SETD3: variants seen among roughly 807,000 people sequenced by gnomAD.
SETD3 encodes the protein actin-histidine N-methyltransferase.
SETD3 carries 19 observed loss-of-function variants against 63.0 expected under a neutral mutation model. The observed-to-expected ratio is 0.30, with a 90% CI of 0.21 to 0.44. SETD3 has a LOEUF of 0.44. SETD3 is among the 20% of genes least tolerant of loss of function. SETD3 has a pLI of 1.00. For synonymous variants in SETD3, 286 were observed against 264.1 expected (o/e 1.08, Z -0.80); for missense variants, 587 against 728.5 (o/e 0.81, Z 2.24).
At chr14:99,416,226 T>TAACAAAC (rs1388138830) in intron 6 of SETD3, among the ~76,000 whole-genome samples, 1 of 152,110 alleles carries the variant, frequency 6.6e-6, no homozygotes, top group Non-Finnish European at 1.5e-5. Flanking sequence ...CTCAATGTAT[T>TAACAAAC]AAAAACAAAC....
At chr14:99,455,975 C>T (rs559571967) in intron 6 of SETD3, among the ~76,000 whole-genome samples, 5 of 152,164 alleles carry the variant, frequency 3.3e-5, no homozygotes, top group Middle Eastern at 3.2e-3. Flanking sequence ...GCCAACGTGG[C>T]GAAACTCCAT....
At chr14:99,419,033 T>C (rs1892433327) in intron 6 of SETD3, among the ~76,000 whole-genome samples, 1 of 152,192 alleles carries the variant, frequency 6.6e-6, no homozygotes, top group African/African-American at 2.4e-5. Context: ...AAAGTATCTC[T>C]TGAATTGAAA....
rs1164177861 is a variant in SETD3 at position 99,398,011 on chromosome 14, T to C, written c.*668A>G. The C allele has an allele frequency of 6.6e-6, 1 of 152,588 alleles. No homozygotes were observed. The highest frequency in any genetic ancestry group is 1.9e-4 in the East Asian group (1 of 5,202). The allele number at this position is 152,588 out of a possible 1,614,324, so 9.5% of individuals were successfully genotyped here. ...TCAAGGAGAAAGGACAAGTTCTTAGTACAGTAAAACAAAACACAAAAGTAA... is the reference window on the plus strand; with the variant it reads ...TCAAGGAGAAAGGACAAGTTCTTAGCACAGTAAAACAAAACACAAAAGTAA... On this transcript the variant is annotated 3_prime_UTR_variant, in exon 13 of 13. Transcript: ENST00000331768.
At chr14:99,432,975 T>C (rs892446589) in intron 6 of SETD3, among the ~76,000 whole-genome samples, 1 of 152,178 alleles carries the variant, frequency 6.6e-6, no homozygotes, top group Non-Finnish European at 1.5e-5. Flanking sequence ...AAATTAGACT[T>C]TGTTAAAATT....
At chr14:99,404,108 T>C (rs1891547984) in intron 11 of SETD3, 117 bp downstream of exon 11, 1 of 717,464 alleles carries the variant, frequency 1.4e-6, no homozygotes, top group East Asian at 2.8e-5. Flanking sequence ...ATCTTCTCTC[T>C]TCCCAAAAGT....
rs148235548 is a variant in SETD3, at chr14:99,477,879, ATTAG to A, written c.-9+2845_-9+2848del. On this transcript the variant is annotated intron_variant, in intron 1 of 12. Coordinates refer to ENST00000331768, the MANE Select transcript of SETD3 (RefSeq NM_032233.3). The stretch of plus-strand genomic sequence containing the variant: ...TAAATTAATTCTATTTGCATATCAA[ATTAG>A]TTAACCTCTCCAATTTATGAATAGA... 7.7e-3 allele frequency among the ~76,000 whole-genome samples: 1,169 copies of A among 152,102 alleles called. 8 individuals carry two copies. The highest frequency in any genetic ancestry group is 0.024 in the African/African-American group (1,005 of 41,506).
intron 6 of SETD3, among the ~76,000 whole-genome samples, chr14:99,449,162 T>G (rs879737870): frequency 1.3e-5 from 2 of 152,164 alleles, no homozygotes; most frequent in Non-Finnish European, 1.5e-5. Context: ...AAAATCCCAA[T>G]GAATGCATGT....
intron 6 of SETD3, among the ~76,000 whole-genome samples, chr14:99,431,032 G>A (rs1489722988): frequency 6.6e-6 from 1 of 152,110 alleles, no homozygotes; most frequent in Non-Finnish European, 1.5e-5. Flanking sequence ...CCACACAGTG[G>A]CCATCACTCC....
chr14:99,457,819 C>G (rs1162151419), intron 6 of SETD3, among the ~76,000 whole-genome samples: 1 of 152,178 alleles, frequency 6.6e-6, no homozygotes, highest in East Asian at 1.9e-4. Context: ...TCACTGAGAA[C>G]AAATTAAAAT....
chr14:99,479,007 G>A (rs1424664304), intron 1 of SETD3, among the ~76,000 whole-genome samples: 1 of 152,196 alleles, frequency 6.6e-6, no homozygotes, highest in Non-Finnish European at 1.5e-5. Flanking sequence ...GACAGTCACT[G>A]TGCTCTTACG....
chr14:99,424,315 G>A (rs1892759391), intron 6 of SETD3, among the ~76,000 whole-genome samples: 1 of 152,180 alleles, frequency 6.6e-6, no homozygotes, highest in African/African-American at 2.4e-5. Context: ...GGTCAGAAAA[G>A]CCTGGAGATT....
At chr14:99,427,828 T>C (rs1211626513) in intron 6 of SETD3, among the ~76,000 whole-genome samples, 2 of 152,120 alleles carry the variant, frequency 1.3e-5, no homozygotes, top group Non-Finnish European at 2.9e-5. Flanking sequence ...ACATGACACG[T>C]GCTGGAATTC....
rs1398604529 is a variant in SETD3 at position 99,413,030 on chromosome 14, T to G, written c.770A>C (p.Gln257Pro). The G allele has an allele frequency of 6.2e-7, 1 of 1,614,026 alleles. No homozygotes were observed. Among genetic ancestry groups the G allele is most frequent in the Admixed American group, 1.7e-5 (1 of 60,028 alleles). Reference sequence around the variant, plus strand: ...GCGGGAACCATCCTCTGTGGGAATTTGGTTTTGCCTCGTCATAACAGAAGA... The same window carrying G: ...GCGGGAACCATCCTCTGTGGGAATTGGGTTTTGCCTCGTCATAACAGAAGA... ...AVSSVMTRQNQIPTEDGSRVT... is the reference protein window; with the variant it reads ...AVSSVMTRQNPIPTEDGSRVT... Residue 257 changes from glutamine to proline, a missense_variant, in exon 8 of 13, where the codon CAA becomes CCA. Transcript: ENST00000331768.
At position 99,399,060 on chromosome 14, in the gene SETD3, G is replaced by A; in HGVS notation, c.1404C>T (p.Arg468=). ...SVRAKMAIKL[R]LGEKEILEKA... The stretch of plus-strand genomic sequence containing the variant: ...TTTCCAAAATCTCTTTCTCACCTAA[G>A]CGCAATTTGATGGCCATTTTTGCAC... The change falls in exon 13 of 13, where the codon CGC becomes CGT. Residue 468 remains arginine, a synonymous_variant. Transcript: ENST00000331768. 3 of 1,614,136 alleles carry A rather than the reference G, an allele frequency of 1.9e-6. No individual in the cohort carries two copies. Among genetic ancestry groups the A allele is most frequent in the Non-Finnish European group, 2.5e-6 (3 of 1,180,040 alleles).
chr14:99,447,472 T>C (rs1202249977), intron 6 of SETD3, among the ~76,000 whole-genome samples: 2 of 152,228 alleles, frequency 1.3e-5, no homozygotes, highest in East Asian at 1.9e-4. Flanking sequence ...AAATGAGATA[T>C]GTGTTTAGAA....
chr14:99,401,907 C>T (rs1435084702), intron 11 of SETD3, among the ~76,000 whole-genome samples: 1 of 152,208 alleles, frequency 6.6e-6, no homozygotes. Context: ...ACTCATTTCA[C>T]ATTTCTGGAG....
At chr14:99,456,698 T>C (rs951682037) in intron 6 of SETD3, among the ~76,000 whole-genome samples, 2 of 152,104 alleles carry the variant, frequency 1.3e-5, no homozygotes, top group Non-Finnish European at 2.9e-5. Flanking sequence ...CTTAAACAAA[T>C]TGACAAAAAA....
chr14:99,477,648 G>C (rs952910352), intron 1 of SETD3, among the ~76,000 whole-genome samples: 2 of 150,364 alleles, frequency 1.3e-5, no homozygotes, highest in African/African-American at 4.9e-5. Context: ...CAGCTGCTCA[G>C]AGGCTGAGGC....
chr14:99,462,238 T>G (rs1360772090), intron 3 of SETD3, among the ~76,000 whole-genome samples: 1 of 152,216 alleles, frequency 6.6e-6, no homozygotes, highest in Non-Finnish European at 1.5e-5. Context: ...TTCTTGGACA[T>G]CTGTTATATT....
Sources: allele counts gnomAD v4.1 joint callset (sites outside exome capture counted in the v4.1 genomes callset), GRCh38; gene constraint gnomAD v4.1.1; transcripts MANE v1.5; gene names NCBI Gene and HGNC (gene_info 2026-07-23, HGNC 2026-07-21).